CDC14A: variants seen among roughly 807,000 people sequenced by gnomAD.
The protein encoded by CDC14A is dual specificity protein phosphatase CDC14A.
A neutral mutation model predicts 74.4 loss-of-function variants in CDC14A; 53 were observed. The observed-to-expected ratio is 0.71, with a 90% CI of 0.57 to 0.89. The LOEUF (loss-of-function observed/expected upper bound fraction) is 0.89. CDC14A is among the 40% of genes least tolerant of loss of function. The pLI is 0.00. For missense variants in CDC14A, 646 were observed against 713.7 expected (o/e 0.91, Z 1.08); for synonymous variants, 247 against 258.4 (o/e 0.96, Z 0.43).
intron 10 of CDC14A, among the ~76,000 whole-genome samples, chr1:100,483,750 C>G (rs1316060934): frequency 6.6e-6 from 1 of 152,082 alleles, no homozygotes; most frequent in African/African-American, 2.4e-5. Context: ...TAAGGACAAT[C>G]TAATTGAGGA....
intron 3 of CDC14A, among the ~76,000 whole-genome samples, chr1:100,389,226 C>T (rs1657324391): frequency 1.4e-5 from 2 of 146,588 alleles, no homozygotes; most frequent in Non-Finnish European, 3.0e-5. Context: ...AGGGTACAGC[C>T]ATTTTCAGAT....
chr1:100,424,919 G>A (rs1662776514), intron 5 of CDC14A, among the ~76,000 whole-genome samples: 1 of 152,050 alleles, frequency 6.6e-6, no homozygotes, highest in African/African-American at 2.4e-5. Context: ...TGTAATCCCA[G>A]CACTTTGGGA....
chr1:100,397,931 TATACTC>T (rs1557715696), intron 4 of CDC14A, among the ~76,000 whole-genome samples: 2 of 152,354 alleles, frequency 1.3e-5, no homozygotes, highest in East Asian at 3.9e-4. Flanking sequence ...CCTAAGTAGT[TATACTC>T]TACTGCTAAG....
At chr1:100,487,666 C>A (rs1051762155) in intron 11 of CDC14A, among the ~76,000 whole-genome samples, 1 of 152,182 alleles carries the variant, frequency 6.6e-6, no homozygotes, top group African/African-American at 2.4e-5. Context: ...TGTTGCAGGT[C>A]ATAGTGATGG....
intron 4 of CDC14A, among the ~76,000 whole-genome samples, chr1:100,409,224 C>T (rs1351694023): frequency 6.6e-6 from 1 of 152,140 alleles, no homozygotes. Context: ...TTCACTATCA[C>T]AAACATAGCA....
At chr1:100,494,971 C>A in intron 12 of CDC14A, 41 bp downstream of exon 12, 1 of 1,009,766 alleles carries the variant, frequency 9.9e-7, no homozygotes, top group Non-Finnish European at 1.6e-6. Flanking sequence ...GTGTGCTTCC[C>A]TTTGTGAATA....
intron 4 of CDC14A, among the ~76,000 whole-genome samples, chr1:100,418,206 T>C (rs1463956966): frequency 6.6e-6 from 1 of 152,200 alleles, no homozygotes; most frequent in Non-Finnish European, 1.5e-5. Context: ...TTTTTGTTTT[T>C]ATTGTTGTCA....
At chr1:100,506,551 G>A (rs775589132) in intron 15 of CDC14A, among the ~76,000 whole-genome samples, 20 of 152,166 alleles carry the variant, frequency 1.3e-4, no homozygotes, top group Non-Finnish European at 2.5e-4. Context: ...GTAGATATAT[G>A]TAACTATAAT....
chr1:100,411,817 G>A (rs1295139833), intron 4 of CDC14A, among the ~76,000 whole-genome samples: 1 of 152,142 alleles, frequency 6.6e-6, no homozygotes, highest in East Asian at 1.9e-4. Context: ...GATTTTGCTG[G>A]GAGAAACAAA....
intron 4 of CDC14A, chr1:100,393,876 G>A (rs1172573280): frequency 4.2e-6 from 1 of 240,266 alleles, no homozygotes; most frequent in African/African-American, 2.3e-5. Context: ...CCAGGAGTGG[G>A]AGGTTGCAGT....
chr1:100,478,455 G>A (rs28364893), intron 10 of CDC14A, among the ~76,000 whole-genome samples: 8,220 of 152,094 alleles, frequency 0.054, 749 homozygotes, highest in African/African-American at 0.19. Flanking sequence ...CTGTGACCTC[G>A]GGGATCATCA....
At chr1:100,422,308 G>A (rs1662463258) in intron 4 of CDC14A, among the ~76,000 whole-genome samples, 1 of 152,172 alleles carries the variant, frequency 6.6e-6, no homozygotes, top group South Asian at 2.1e-4. Context: ...GGGAATTAAC[G>A]TAATTGCTCC....
chr1:100,448,244 C>CT (rs1423408686), intron 7 of CDC14A, among the ~76,000 whole-genome samples: 1 of 152,178 alleles, frequency 6.6e-6, no homozygotes, highest in Non-Finnish European at 1.5e-5. Flanking sequence ...AGTACTTTGA[C>CT]TTTTTTTCTT....
chr1:100,433,506 G>T (rs373261660), intron 5 of CDC14A, among the ~76,000 whole-genome samples: 2 of 152,070 alleles, frequency 1.3e-5, no homozygotes, highest in African/African-American at 4.8e-5. Context: ...GTTACCCAGA[G>T]AATTTAGAGA....
At chr1:100,465,169 G>A (rs983388620) in intron 9 of CDC14A, among the ~76,000 whole-genome samples, 1 of 151,866 alleles carries the variant, frequency 6.6e-6, no homozygotes, top group African/African-American at 2.4e-5. Context: ...GAGAATGTTG[G>A]CCAGGCTGGT....
intron 8 of CDC14A, among the ~76,000 whole-genome samples, chr1:100,458,318 A>T (rs542051340): frequency 6.6e-6 from 1 of 152,364 alleles, no homozygotes; most frequent in East Asian, 1.9e-4. Context: ...AGAAAATTTA[A>T]GTAATATAAA....
At chr1:100,375,851 A>G (rs1003261092) in intron 2 of CDC14A, among the ~76,000 whole-genome samples, 2 of 152,214 alleles carry the variant, frequency 1.3e-5, no homozygotes, top group African/African-American at 4.8e-5. Context: ...ATTCACACGT[A>G]TGTTTATTGC....
chr1:100,433,993 G>A (rs1263505583), intron 5 of CDC14A, among the ~76,000 whole-genome samples: 2 of 152,142 alleles, frequency 1.3e-5, no homozygotes, highest in African/African-American at 4.8e-5. Flanking sequence ...GTTGATTCTA[G>A]TTTTCTTAAA....
intron 4 of CDC14A, among the ~76,000 whole-genome samples, chr1:100,412,696 T>TTATATATATATATATA (rs139550432): frequency 2.7e-5 from 2 of 74,138 alleles, no homozygotes; most frequent in African/African-American, 2.3e-4. Context: ...CCTGTATGTT[T>TTATATATATATATATA]TATATATATA....
Sources: gnomAD v4.1 joint callset for allele counts (sites outside exome capture counted in the v4.1 genomes callset) on GRCh38, gnomAD v4.1.1 for gene constraint, MANE v1.5 for transcripts, NCBI Gene and HGNC (gene_info 2026-07-23, HGNC 2026-07-21) for gene names.